DOCK5: variants seen among roughly 807,000 people sequenced by gnomAD.
The protein encoded by DOCK5 is dedicator of cytokinesis protein 5.
Under a neutral mutation model 251.8 loss-of-function variants are expected in DOCK5, and 142 were observed. The observed-to-expected ratio is 0.56, with a 90% CI of 0.49 to 0.65. The LOEUF (loss-of-function observed/expected upper bound fraction) is 0.65. DOCK5 is among the 30% of genes least tolerant of loss of function. The pLI is 0.00. For missense variants in DOCK5, 2,111 were observed against 2,312.3 expected (o/e 0.91, Z 1.79); for synonymous variants, 842 against 835.5 (o/e 1.01, Z -0.13).
At chr8:25,278,490 G>A (rs1004544925) in intron 4 of DOCK5, 79 bp from the exon 5 acceptor site, 99 of 1,403,398 alleles carry the variant, frequency 7.1e-5, no homozygotes, top group Non-Finnish European at 9.0e-5. Context: ...AACCTTGAAC[G>A]TTGGGAAGTC....
At chr8:25,319,841 C>A (rs1218500525) in intron 15 of DOCK5, among the ~76,000 whole-genome samples, 165 bp downstream of exon 15, 5 of 152,086 alleles carry the variant, frequency 3.3e-5, no homozygotes, top group Admixed American at 3.3e-4. Flanking sequence ...GTATTAAGAG[C>A]ATTTATCATT....
In DOCK5 at chr8:25,350,616, C is replaced by T. The variant is rs111535973; in HGVS notation, c.2755-1115C>T. 4.3e-4 allele frequency among the ~76,000 whole-genome samples: 66 copies of T among 152,294 alleles called. No individual in the cohort carries two copies. The South Asian group carries it at 8.1e-3, about 19-fold the overall frequency. ...ACCACAGACTGCGTGGCTTAAACAA[C>T]AGACATTTATTTTCTCACAGTTCTG... On this transcript the variant is annotated intron_variant, in intron 26 of 51. Transcript: ENST00000276440.
intron 5 of DOCK5, among the ~76,000 whole-genome samples, chr8:25,290,372 A>C (rs911333163): frequency 6.6e-6 from 1 of 152,224 alleles, no homozygotes; most frequent in Non-Finnish European, 1.5e-5. Context: ...ATGAAGTTGC[A>C]TTGGGCTGCA....
intron 18 of DOCK5, 147 bp from the exon 19 acceptor site, chr8:25,332,104 G>A: frequency 2.0e-6 from 1 of 510,546 alleles, no homozygotes; most frequent in South Asian, 3.9e-5. Flanking sequence ...ACTTAGATAG[G>A]AGATAGTAAA....
intron 49 of DOCK5, 59 bp downstream of exon 49, chr8:25,408,213 C>T: frequency 6.7e-7 from 1 of 1,489,828 alleles, no homozygotes; most frequent in South Asian, 1.3e-5. Flanking sequence ...CTCCCCTGTA[C>T]CCAGGCATAT....
chr8:25,275,520 T>C, intron 4 of DOCK5, 79 bp downstream of exon 4: 1 of 1,397,692 alleles, frequency 7.2e-7, no homozygotes, highest in Non-Finnish European at 1.0e-6. Context: ...TAGGCATTAA[T>C]GCCTTATGTA....
rs768101475 is a variant in DOCK5 at position 25,389,136 on chromosome 8, G to A, written c.4177G>A (p.Asp1393Asn). The change falls in exon 41 of 52, where the codon GAC becomes AAC. Residue 1393 changes from aspartate (D) to asparagine (N), a missense_variant. Asp to Asn is a conservative substitution (Grantham distance 23). Transcript: ENST00000276440. ...GGGAAAGGAGTATGAGAGGCGAGAG[G>A]ACTTCAGCCTGAGGTTGTTAACCCA... is the stretch of plus-strand genomic sequence containing the variant. ...YRGKEYERRE[D>N]FSLRLLTQFP... The A allele has an allele frequency of 1.2e-6, 2 of 1,613,992 alleles. No individual in the cohort carries two copies. Among genetic ancestry groups the A allele is most frequent in the East Asian group, 2.2e-5 (1 of 44,868 alleles).
chr8:25,354,559 T>G (rs903086225), intron 27 of DOCK5, among the ~76,000 whole-genome samples: 1 of 151,588 alleles, frequency 6.6e-6, no homozygotes, highest in African/African-American at 2.4e-5. Context: ...GAAATGAGAG[T>G]GGGAATGACT....
intron 45 of DOCK5, among the ~76,000 whole-genome samples, chr8:25,397,442 ATCG>A (rs1479764289): frequency 6.6e-6 from 1 of 152,140 alleles, no homozygotes; most frequent in African/African-American, 2.4e-5. Flanking sequence ...TGCCACTATG[ATCG>A]TCTTCTTTCT....
intron 5 of DOCK5, among the ~76,000 whole-genome samples, chr8:25,288,263 C>T (rs34707461): frequency 0.16 from 25,043 of 152,150 alleles, 2,289 homozygotes; most frequent in Admixed American, 0.26. Context: ...CATGAAGTGT[C>T]AGGGACCAAC....
chr8:25,401,020 G>T lies in DOCK5; in HGVS notation c.4880G>T (p.Arg1627Leu). The change falls in exon 47 of 52, where the codon CGG becomes CTG. Residue 1627 changes from arginine to leucine, a missense_variant. Physicochemically the swap from Arg to Leu is moderately radical, Grantham distance 102 (BLOSUM62 -2). Coordinates refer to ENST00000276440, the MANE Select transcript of DOCK5 (RefSeq NM_024940.8). ...PLHERLSSCF[R>L]ELKEKVEKHY... ...CATGAGCGGTTGTCTTCTTGCTTCC[G>T]GGAACTCAAGGAGAAAGTAGAAAAG... The T allele has an allele frequency of 2.5e-6, 4 of 1,614,010 alleles. No homozygotes were observed. Among genetic ancestry groups the T allele is most frequent in the Non-Finnish European group, 3.4e-6 (4 of 1,179,882 alleles).
chr8:25,343,858 T>A (rs1800309332), intron 25 of DOCK5, among the ~76,000 whole-genome samples: 1 of 152,238 alleles, frequency 6.6e-6, no homozygotes, highest in Admixed American at 6.5e-5. Context: ...CAGGCTGGAA[T>A]GCAGCAGCAT....
chr8:25,297,424 ATTTTTGTAT>A (rs1011565084), intron 7 of DOCK5, among the ~76,000 whole-genome samples: 6 of 151,950 alleles, frequency 3.9e-5, no homozygotes, highest in Non-Finnish European at 5.9e-5. Context: ...CGCCTGGCTA[ATTTTTGTAT>A]TTTTAGTAGA....
In DOCK5 at chr8:25,411,257, C is replaced by A. The variant is rs747723490; in HGVS notation, c.5572C>A (p.Arg1858=). The part of the protein sequence containing the change: ...KAPPPPPPKA[R]KSGIPTSEPG... ...ACCACCCCCTCCACCTCCAAAGGCTCGGAAGTCTGGCATCCCTACTTCCGA... is the reference window on the plus strand; with the variant it reads ...ACCACCCCCTCCACCTCCAAAGGCTAGGAAGTCTGGCATCCCTACTTCCGA... Residue 1858 remains arginine (R), a synonymous_variant, in exon 52 of 52, where the codon CGG becomes AGG. Transcript: ENST00000276440. 1.9e-6 allele frequency: 3 copies of A among 1,584,772 alleles called. No individual in the cohort carries two copies. Among genetic ancestry groups the A allele is most frequent in the Admixed American group, 3.6e-5 (2 of 55,730 alleles).
chr8:25,226,417 C>G (rs1208651311), intron 1 of DOCK5, among the ~76,000 whole-genome samples: 1 of 151,714 alleles, frequency 6.6e-6, no homozygotes, highest in Non-Finnish European at 1.5e-5. Flanking sequence ...CTCGTGCCAC[C>G]ATGCCTAGCT....
At position 25,209,624 on chromosome 8, in the gene DOCK5, A is replaced by G. The variant is rs142383886; in HGVS notation, c.43+24673A>G. Among the ~76,000 whole-genome samples the G allele has an allele frequency of 8.5e-5, 6 of 70,700 alleles. 3 individuals carry two copies. In the East Asian group the frequency reaches 1.9e-3, roughly 22 times the overall value. 46.4% of individuals were successfully genotyped at this position (70,700 alleles called of 152,430 possible). On this transcript the variant is annotated intron_variant, in intron 1 of 51. Transcript: ENST00000276440. Reference sequence around the variant, plus strand: ...GTCTGTCGATGACATTTCACATACAACTTTAGGAAGTTTAGAAATCTTTGG... The same window carrying G: ...GTCTGTCGATGACATTTCACATACAGCTTTAGGAAGTTTAGAAATCTTTGG...
At chr8:25,351,913 A>C in intron 27 of DOCK5, 87 bp downstream of exon 27, 1 of 996,068 alleles carries the variant, frequency 1.0e-6, no homozygotes, top group Non-Finnish European at 1.5e-6. Context: ...CAGTGGCTTG[A>C]GACTATTCTT....
chr8:25,324,418 C>T (rs1220208243), intron 17 of DOCK5, among the ~76,000 whole-genome samples: 4 of 152,184 alleles, frequency 2.6e-5, no homozygotes, highest in Admixed American at 2.0e-4. Flanking sequence ...TTTGTTCTTG[C>T]CTTCCAACTG....
chr8:25,331,230 GACACACACACACACACAC>G (rs60869427), intron 18 of DOCK5, among the ~76,000 whole-genome samples: 3 of 140,264 alleles, frequency 2.1e-5, no homozygotes, highest in African/African-American at 5.3e-5. Context: ...GTTTCTCTGT[GACACACACACACACACAC>G]ACACACACAC....
Sources: gnomAD v4.1 joint callset for allele counts (sites outside exome capture counted in the v4.1 genomes callset) on GRCh38, gnomAD v4.1.1 for gene constraint, MANE v1.5 for transcripts, NCBI Gene and HGNC (gene_info 2026-07-23, HGNC 2026-07-21) for gene names.